PCDHA2: variants seen among roughly 807,000 people sequenced by gnomAD.
PCDHA2 encodes the protein protocadherin alpha 2, also known as protocadherin alpha-2.
Under a neutral mutation model 66.0 loss-of-function variants are expected in PCDHA2, and 58 were observed. The observed-to-expected ratio is 0.88, with a 90% CI of 0.71 to 1.09. PCDHA2 has a LOEUF of 1.09. Among genes scored for constraint, PCDHA2 ranks in the 50% least tolerant of loss-of-function variants. The probability of loss-of-function intolerance (pLI) is 0.00; values close to 1 mark genes in which losing one functional copy is unlikely to be tolerated. For missense variants in PCDHA2, 1,267 were observed against 1,242.3 expected, an observed-to-expected ratio of 1.02 and a Z score of -0.30; for synonymous variants, 634 against 554.0, an observed-to-expected ratio of 1.14 and a Z score of -2.03.
chr5:140,835,858 A>G (rs1773990824), intron 1 of PCDHA2: 1 of 1,612,030 alleles, frequency 6.2e-7, no homozygotes, highest in South Asian at 1.1e-5. Context: ...CTGGTGTCCT[A>G]CTCGCTGGTG....
At chr5:140,928,836 C>T (rs1554206380) in intron 1 of PCDHA2, 1 of 1,614,168 alleles carries the variant, frequency 6.2e-7, no homozygotes. Context: ...CACTTTCCTC[C>T]TCTGTCACTC....
At chr5:140,902,530 G>C (rs569387885) in intron 1 of PCDHA2, among the ~76,000 whole-genome samples, 1 of 152,026 alleles carries the variant, frequency 6.6e-6, no homozygotes, top group African/African-American at 2.4e-5. Flanking sequence ...TTATTATGTT[G>C]AGGTATGTTC....
chr5:140,884,628 G>A (rs2153405760), intron 1 of PCDHA2: 3 of 1,612,722 alleles, frequency 1.9e-6, no homozygotes, highest in Non-Finnish European at 2.5e-6. Context: ...GAGGGAACAG[G>A]CCAGAGGGAG....
intron 1 of PCDHA2, chr5:140,863,004 G>A (rs1236967953): frequency 1.8e-6 from 1 of 551,012 alleles, no homozygotes; most frequent in African/African-American, 1.9e-5. Flanking sequence ...GTGGACTCCA[G>A]CTATGACGCC....
chr5:140,838,091 T>A, intron 1 of PCDHA2, among the ~76,000 whole-genome samples: 1 of 139,550 alleles, frequency 7.2e-6, no homozygotes, highest in African/African-American at 2.7e-5. Context: ...TGTGTGTGTG[T>A]GTGTGTGTGT....
rs1554120409 is a variant in PCDHA2, at chr5:140,797,330, C to G, written c.2366C>G (p.Ser789Ter). 6.2e-7 allele frequency: 1 copy of G among 1,614,110 alleles called. No homozygotes were observed. Among genetic ancestry groups the G allele is most frequent in the South Asian group, 1.1e-5 (1 of 91,082 alleles). Residue 789 changes from serine to a stop codon, truncating the protein, a stop_gained, in exon 1 of 4, where the codon TCA (serine) becomes TGA (stop). Coordinates refer to ENST00000526136, the MANE Select transcript of PCDHA2 (RefSeq NM_018905.3). LOFTEE classifies it high-confidence loss of function. Reference sequence around the variant, plus strand: ...GACTCCGCAGAAGAGAAACAGCTCTCAGAATCAGAATACGTAGGAAAGGTG... The same window carrying G: ...GACTCCGCAGAAGAGAAACAGCTCTGAGAATCAGAATACGTAGGAAAGGTG... ...GPDSAEEKQL[S>*]ESEYVGKPRQ...
intron 1 of PCDHA2, among the ~76,000 whole-genome samples, chr5:140,827,760 T>C (rs1554130877): frequency 6.6e-6 from 1 of 152,232 alleles, no homozygotes; most frequent in Non-Finnish European, 1.5e-5. Context: ...TACTTTAAAT[T>C]AATAAAAGAA....
chr5:140,848,487 G>T (rs2150411102), intron 1 of PCDHA2: 1 of 1,574,380 alleles, frequency 6.4e-7, no homozygotes, highest in Non-Finnish European at 8.7e-7. Context: ...AGAAGACTGA[G>T]TATTTGAAAT....
Position 140,796,578 on chromosome 5 carries a change from G to C in PCDHA2, c.1614G>C (p.Arg538=), listed in dbSNP as rs534491169. 11 of 1,613,324 alleles carry C rather than the reference G, an allele frequency of 6.8e-6. No homozygotes were observed. Among genetic ancestry groups the C allele is most frequent in the South Asian group, 1.1e-5 (1 of 91,054 alleles). ...VELLQFQVSA[R]DAGVPPLGSN... ...TGCTGCAGTTCCAGGTGAGCGCGCG[G>C]GATGCGGGCGTGCCGCCTCTGGGCA... Residue 538 remains arginine, a synonymous_variant, in exon 1 of 4, where the codon CGG becomes CGC. Coordinates refer to ENST00000526136, the MANE Select transcript of PCDHA2 (RefSeq NM_018905.3).
At chr5:141,006,445 C>T (rs1202981865) in intron 3 of PCDHA2, among the ~76,000 whole-genome samples, 2 of 152,062 alleles carry the variant, frequency 1.3e-5, no homozygotes, top group Non-Finnish European at 2.9e-5. Context: ...AATCTCCTGA[C>T]CTCGAGATCT....
At chr5:140,807,961 A>G in intron 1 of PCDHA2, 1 of 1,614,080 alleles carries the variant, frequency 6.2e-7, no homozygotes, top group Non-Finnish European at 8.5e-7. Context: ...TTCCTAATGG[A>G]ACATTGGTAA....
chr5:140,899,982 AT>A (rs1290251020), intron 1 of PCDHA2, among the ~76,000 whole-genome samples: 2 of 150,600 alleles, frequency 1.3e-5, no homozygotes, highest in African/African-American at 4.9e-5. Flanking sequence ...TACTTTTTTG[AT>A]TTTTTTTGTA....
At chr5:140,882,072 T>G in intron 1 of PCDHA2, 4 of 861,576 alleles carry the variant, frequency 4.6e-6, no homozygotes, top group Non-Finnish European at 7.0e-6. Flanking sequence ...TTCATGCGCA[T>G]GGTGTCGCTC....
intron 1 of PCDHA2, chr5:140,828,857 G>C: frequency 6.2e-7 from 1 of 1,614,232 alleles, no homozygotes; most frequent in Admixed American, 1.7e-5. Flanking sequence ...CGAAAATGCA[G>C]ACAACGGAAC....
chr5:140,980,216 G>A (rs1554241518), intron 2 of PCDHA2, among the ~76,000 whole-genome samples: 1 of 152,190 alleles, frequency 6.6e-6, no homozygotes, highest in African/African-American at 2.4e-5. Flanking sequence ...GCTTTTGCCT[G>A]CATCTGAGCT....
At chr5:140,856,833 G>A (rs1554149194) in intron 1 of PCDHA2, 3 of 1,591,548 alleles carry the variant, frequency 1.9e-6, no homozygotes, top group African/African-American at 2.7e-5. Flanking sequence ...TTAGTAATAC[G>A]GCTCAACGCT....
At position 140,795,863 on chromosome 5, in the gene PCDHA2, G is replaced by A; in HGVS notation, c.899G>A (p.Gly300Glu). The A allele has an allele frequency of 1.9e-6, 3 of 1,613,850 alleles. No homozygotes were observed. Among genetic ancestry groups the A allele is most frequent in the Middle Eastern group, 1.6e-4 (1 of 6,062 alleles). ...AAGTTTACCATAGATCCCATCTCAG[G>A]GGAAATCAGAACTAAGGGAAAATTA... is the stretch of plus-strand genomic sequence containing the variant. The part of the protein sequence containing the change: ...QTKFTIDPIS[G>E]EIRTKGKLDY... Residue 300 changes from glycine to glutamate, a missense_variant, in exon 1 of 4, where the codon GGG becomes GAG. Coordinates refer to ENST00000526136, the MANE Select transcript of PCDHA2 (RefSeq NM_018905.3).
At chr5:140,803,087 G>T in intron 1 of PCDHA2, 1 of 1,613,906 alleles carries the variant, frequency 6.2e-7, no homozygotes, top group East Asian at 2.2e-5. Context: ...ACACGGGAGA[G>T]ATCAGCACGA....
chr5:140,968,807 G>C (rs1327580375), intron 1 of PCDHA2: 1 of 1,614,178 alleles, frequency 6.2e-7, no homozygotes, highest in Non-Finnish European at 8.5e-7. Flanking sequence ...AGTAGCTGTG[G>C]TGGATAGGGT....
Sources: gnomAD v4.1 joint callset for allele counts (sites outside exome capture counted in the v4.1 genomes callset) on GRCh38, gnomAD v4.1.1 for gene constraint, MANE v1.5 for transcripts, NCBI Gene and HGNC (gene_info 2026-07-23, HGNC 2026-07-21) for gene names.